The following CES5A variants were observed in gnomAD, a reference collection of about 807,000 sequenced individuals.
The protein encoded by CES5A is carboxylesterase 5A, also known as carboxylesterase 5.
In CES5A, 67 loss-of-function variants were observed where a neutral mutation model predicts 62.9. The ratio of observed to expected loss-of-function variants is 1.07; its 90% CI spans 0.88 to 1.31. CES5A has a LOEUF of 1.31. CES5A is among the 50% of genes most tolerant of loss of function. CES5A has a pLI of 0.00. For synonymous variants in CES5A, 296 were observed against 280.8 expected, an observed-to-expected ratio of 1.05 and a Z score of -0.54; for missense variants, 748 against 708.5, an observed-to-expected ratio of 1.06 and a Z score of -0.63.
chr16:55,863,503 C>T (rs1188876332), intron 5 of CES5A, 51 bp from the exon 6 acceptor site: 7 of 891,886 alleles, frequency 7.8e-6, no homozygotes, highest in Admixed American at 5.1e-5. Context: ...CACCAACACA[C>T]ATACCATTCA....
intron 2 of CES5A, among the ~76,000 whole-genome samples, chr16:55,872,292 C>T (rs1253966685): frequency 6.6e-6 from 1 of 152,238 alleles, no homozygotes; most frequent in African/African-American, 2.4e-5. Context: ...TGCTCTCTCC[C>T]TGTATCTGCG....
At chr16:55,940,523 T>A (rs1345012854) in intron 2 of CES5A, among the ~76,000 whole-genome samples, 2 of 151,990 alleles carry the variant, frequency 1.3e-5, no homozygotes, top group African/African-American at 4.8e-5. Flanking sequence ...TTTTAAAAAT[T>A]GAATCTATCT....
At chr16:55,856,991 A>G (rs187400032) in intron 8 of CES5A, among the ~76,000 whole-genome samples, 3 of 152,218 alleles carry the variant, frequency 2.0e-5, no homozygotes, top group Non-Finnish European at 4.4e-5. Context: ...TTATTATGGC[A>G]GCACTGACTG....
At chr16:55,929,716 T>C (rs940220582), upstream of CES5A, among the ~76,000 whole-genome samples, 10 of 152,330 alleles carry the variant, frequency 6.6e-5, no homozygotes, top group African/African-American at 2.4e-4. Context: ...ATAGATTGTA[T>C]TGAAGAAAGT....
intron 4 of CES5A, 62 bp from the exon 5 acceptor site, chr16:55,866,178 G>T (rs769380739): frequency 3.1e-5 from 48 of 1,534,558 alleles, no homozygotes; most frequent in African/African-American, 2.8e-5. Context: ...CACAGCCCTG[G>T]AAGTTCTCAG....
chr16:55,856,416 G>A lies in CES5A; in HGVS notation c.1086C>T (p.Ser362=), dbSNP rs762523564. 25 of 1,614,048 alleles carry A rather than the reference G, an allele frequency of 1.5e-5. No homozygotes were observed. In the South Asian group the frequency reaches 2.3e-4, roughly 15 times the overall value. Residue 362 remains serine (S), a synonymous_variant, in exon 9 of 13, where the codon TCC becomes TCT. Transcript: ENST00000290567. ...TCAGATGGAGGGCAAGGGACTTGTT[G>A]GAGCCACTGAGGATCTCAGGAGCCT... ...MKEAPEILSG[S]NKSLALHLIQ... is the part of the protein sequence containing the mutation.
chr16:55,954,717 T>G (rs76206732), intron 1 of CES5A, among the ~76,000 whole-genome samples: 1,707 of 152,208 alleles, frequency 0.011, 50 homozygotes, highest in East Asian at 0.094. Flanking sequence ...TGGCCAAGGA[T>G]AGGGGGAAGG....
In CES5A at chr16:55,914,477, C is replaced by T. The variant is rs558531132; in HGVS notation, c.-256+10846G>A. On this transcript the variant is annotated intron_variant, in intron 1 of 12. Coordinates refer to the CES5A transcript ENST00000518005. ...GGGGTAACTCTGCTGTATCCTGAGGCTACGCCAGGGGATGAAGGAAATCTA... is the reference window on the plus strand; with the variant it reads ...GGGGTAACTCTGCTGTATCCTGAGGTTACGCCAGGGGATGAAGGAAATCTA... 3.3e-5 allele frequency among the ~76,000 whole-genome samples: 5 copies of T among 152,264 alleles called. No homozygotes were observed. The South Asian group carries it at 1.0e-3, about 32-fold the overall frequency.
At chr16:55,858,632 G>A (rs1597115111) in intron 8 of CES5A, among the ~76,000 whole-genome samples, 1 of 152,170 alleles carries the variant, frequency 6.6e-6, no homozygotes, top group Non-Finnish European at 1.5e-5. Flanking sequence ...CTTGAGACTG[G>A]TTCTAGACAG....
Position 55,871,682 on chromosome 16 carries a change from G to T in CES5A, c.360C>A (p.Asp120Glu). Residue 120 changes from aspartate to glutamate, a missense_variant, in exon 3 of 13, where the codon GAC becomes GAA. By Grantham distance (45) the Asp-to-Glu change is conservative (BLOSUM62 2). Transcript: ENST00000290567. ...VHYPKFGVSE[D>E]CLYLNIYAPA... ...GCGCATAGATGTTCAGGTAGAGGCA[G>T]TCTTCTGACACTCCGAATTTCGGGT... 3.1e-6 allele frequency: 5 copies of T among 1,614,164 alleles called. No homozygotes were observed. Among genetic ancestry groups the T allele is most frequent in the Non-Finnish European group, 4.2e-6 (5 of 1,180,018 alleles).
At chr16:55,865,315 A>G (rs2033434067) in intron 5 of CES5A, among the ~76,000 whole-genome samples, 1 of 152,218 alleles carries the variant, frequency 6.6e-6, no homozygotes, top group Non-Finnish European at 1.5e-5. Context: ...ACATCTCTCT[A>G]TTTATATTGC....
In CES5A at chr16:55,849,509, G is replaced by A. The variant is rs1046830692; in HGVS notation, c.1423+115C>T. ...CATTTTCCAGAGAAAGGTTGTGTCC[G>A]CCTATAAACCACAGAGGTAATTAAA... On this transcript the variant is annotated intron_variant, in intron 11 of 12. Coordinates refer to ENST00000290567, the MANE Select transcript of CES5A (RefSeq NM_001143685.2). 33 of 1,115,070 alleles carry A rather than the reference G, an allele frequency of 3.0e-5. 1 individual carries two copies. Among genetic ancestry groups the A allele is most frequent in the African/African-American group, 7.8e-5 (5 of 63,738 alleles). The allele number at this position is 1,115,070 out of a possible 1,614,324, so 69.1% of individuals were successfully genotyped here. A position where few individuals can be genotyped will look rare whatever the true frequency, so the allele number is the denominator to read the frequency against.
intron 9 of CES5A, among the ~76,000 whole-genome samples, chr16:55,855,932 G>A (rs1279843199): frequency 6.6e-6 from 1 of 152,112 alleles, no homozygotes; most frequent in Non-Finnish European, 1.5e-5. Context: ...TCTCATGAAT[G>A]GTTAGCACCA....
chr16:55,954,462 T>C (rs886904354), intron 1 of CES5A, among the ~76,000 whole-genome samples: 1 of 152,166 alleles, frequency 6.6e-6, no homozygotes, highest in Admixed American at 6.5e-5. Context: ...TCTCTCCCCC[T>C]ACACATGCCC....
intron 11 of CES5A, among the ~76,000 whole-genome samples, chr16:55,848,436 G>A (rs11866950): frequency 0.67 from 101,606 of 152,080 alleles, 34,726 homozygotes; most frequent in East Asian, 0.78. Context: ...CATTTTAAAT[G>A]TTGATAGACT....
intron 2 of CES5A, among the ~76,000 whole-genome samples, chr16:55,935,119 T>G (rs764804301): frequency 3.3e-5 from 5 of 152,122 alleles, no homozygotes; most frequent in Non-Finnish European, 7.4e-5. Flanking sequence ...ATTTTTGTAT[T>G]TTTAGTAGAG....
chr16:55,886,318 G>A (rs2033814883), intron 1 of CES5A, among the ~76,000 whole-genome samples: 1 of 152,256 alleles, frequency 6.6e-6, no homozygotes, highest in South Asian at 2.1e-4. Flanking sequence ...GGCCTGGGAA[G>A]TGACAGATAG....
chr16:55,939,924 A>G (rs1030944291), intron 2 of CES5A, among the ~76,000 whole-genome samples: 11 of 152,174 alleles, frequency 7.2e-5, no homozygotes, highest in Admixed American at 2.6e-4. Context: ...TAAATAATTC[A>G]TAGGTCAAAA....
chr16:55,867,132 C>G (rs1261286802), intron 4 of CES5A, among the ~76,000 whole-genome samples: 1 of 152,190 alleles, frequency 6.6e-6, no homozygotes, highest in African/African-American at 2.4e-5. Context: ...CGTGCTCCCT[C>G]TCTGCTGGGA....
Sources: gnomAD v4.1 joint callset for allele counts (sites outside exome capture counted in the v4.1 genomes callset) on GRCh38, gnomAD v4.1.1 for gene constraint, MANE v1.5 for transcripts, NCBI Gene and HGNC (gene_info 2026-07-23, HGNC 2026-07-21) for gene names.